Variants in EXOC2 observed in about 807,000 individuals in gnomAD.
EXOC2 encodes exocyst complex component 2.
In EXOC2, 70 loss-of-function variants were observed where a neutral mutation model predicts 131.8. The ratio of observed to expected loss-of-function variants is 0.53; its 90% confidence interval spans 0.44 to 0.65. The LOEUF (loss-of-function observed/expected upper bound fraction) is 0.65. EXOC2 is among the 30% of genes least tolerant of loss of function. The pLI, the probability that EXOC2 is intolerant of heterozygous loss-of-function variation, is 0.00. For synonymous variants in EXOC2, 411 were observed against 398.4 expected, an observed-to-expected ratio of 1.03 and a Z score of -0.38; for missense variants, 923 against 1,108.6, an observed-to-expected ratio of 0.83 and a Z score of 2.38.
intron 22 of EXOC2, among the ~76,000 whole-genome samples, chr6:545,737 A>C (rs1756815277): frequency 2.0e-5 from 3 of 152,258 alleles, no homozygotes; most frequent in Admixed American, 2.0e-4. Context: ...TTCTATCGTG[A>C]GGAAGTAATT....
At chr6:680,540 C>T (rs563480815) in intron 1 of EXOC2, among the ~76,000 whole-genome samples, 11 of 152,222 alleles carry the variant, frequency 7.2e-5, no homozygotes, top group Admixed American at 3.3e-4. Context: ...GTTTTAGAAA[C>T]GTAGGTAGGC....
At chr6:579,774 A>C (rs931527906) in intron 11 of EXOC2, among the ~76,000 whole-genome samples, 1 of 152,176 alleles carries the variant, frequency 6.6e-6, no homozygotes, top group Non-Finnish European at 1.5e-5. Context: ...CAAAAAAAAA[A>C]CAAACAACTT....
At chr6:626,130 T>A (rs191249696) in intron 4 of EXOC2, among the ~76,000 whole-genome samples, 1 of 152,226 alleles carries the variant, frequency 6.6e-6, no homozygotes, top group Non-Finnish European at 1.5e-5. Context: ...AGCAGAAATA[T>A]AGACTTTTTA....
Position 589,437 on chromosome 6 carries a change from C to T in EXOC2, c.1192+3032G>A, listed in dbSNP as rs548386670. Among the ~76,000 whole-genome samples the T allele has an allele frequency of 3.3e-5, 5 of 151,982 alleles. No homozygotes were observed. In the South Asian group the frequency reaches 8.3e-4, roughly 25 times the overall value. ...AATGCCGATCCGGAGAACTGACTGTCGTTGTTTAGGTTCAACTGAGATTTC... is the reference window on the plus strand; with the variant it reads ...AATGCCGATCCGGAGAACTGACTGTTGTTGTTTAGGTTCAACTGAGATTTC... On this transcript the variant is annotated intron_variant, in intron 11 of 27. Transcript: ENST00000230449.
intron 8 of EXOC2, 29 bp from the exon 9 acceptor site, chr6:598,970 T>A: frequency 6.3e-7 from 1 of 1,578,114 alleles, no homozygotes. Context: ...TTTTGAAAAC[T>A]GTCAGTAATG....
intron 22 of EXOC2, among the ~76,000 whole-genome samples, chr6:535,172 C>T (rs1371889527): frequency 1.3e-5 from 2 of 151,726 alleles, no homozygotes; most frequent in African/African-American, 4.8e-5. Context: ...TAAAGAAAAC[C>T]ACCAATGCCA....
intron 23 of EXOC2, among the ~76,000 whole-genome samples, chr6:505,130 A>G (rs1251227735): frequency 1.3e-5 from 2 of 151,460 alleles, no homozygotes; most frequent in African/African-American, 2.4e-5. Context: ...TAGGAACACA[A>G]CAACGGCAGA....
At chr6:590,312 A>G (rs1306468823) in intron 11 of EXOC2, among the ~76,000 whole-genome samples, 1 of 152,220 alleles carries the variant, frequency 6.6e-6, no homozygotes, top group African/African-American at 2.4e-5. Context: ...TAAAATAATT[A>G]ATGACATTAA....
intron 1 of EXOC2, among the ~76,000 whole-genome samples, chr6:660,231 A>T (rs1012436836): frequency 7.2e-6 from 1 of 139,186 alleles, no homozygotes. Flanking sequence ...AAGACAAAGG[A>T]CATATAATCT....
chr6:491,326 AG>A (rs3839498), intron 25 of EXOC2, 140 bp from the exon 26 acceptor site: 33,163 of 754,202 alleles, frequency 0.044, 1,623 homozygotes, highest in East Asian at 0.24. Flanking sequence ...GCCAGTCATG[AG>A]TAGAGTTTCT....
chr6:495,254 T>C (rs995468863), intron 25 of EXOC2, among the ~76,000 whole-genome samples: 4 of 151,486 alleles, frequency 2.6e-5, no homozygotes, highest in Admixed American at 6.6e-5. Flanking sequence ...GCCTCCCGAG[T>C]AGCTGGGACT....
chr6:657,477 G>A (rs982682781), intron 1 of EXOC2, among the ~76,000 whole-genome samples: 3 of 152,134 alleles, frequency 2.0e-5, no homozygotes, highest in East Asian at 1.9e-4. Flanking sequence ...CCATCTTCAT[G>A]GCTGCTCACT....
At chr6:656,445 CTCCTCAGCG>C (rs751966247) in intron 1 of EXOC2, 1 of 1,613,632 alleles carries the variant, frequency 6.2e-7, no homozygotes, top group South Asian at 1.1e-5. Context: ...CTCCACGATG[CTCCTCAGCG>C]TCCTCCAGCG....
chr6:656,885 G>A lies in EXOC2; in HGVS notation c.-43-19024C>T, dbSNP rs762566034. 5.0e-6 allele frequency: 8 copies of A among 1,599,684 alleles called. No individual in the cohort carries two copies. In the Admixed American group the frequency reaches 5.1e-5, roughly 10 times the overall value. ...CCTTCGCTAGCCTCGCGACGGTGCC[G>A]CTGACGTGAATGAACAGCTCTAGAC... On this transcript the variant is annotated intron_variant, in intron 1 of 27. Coordinates refer to ENST00000230449, the MANE Select transcript of EXOC2 (RefSeq NM_018303.6).
intron 1 of EXOC2, chr6:670,317 G>A (rs1308432122): frequency 2.6e-5 from 4 of 152,154 alleles, no homozygotes; most frequent in African/African-American, 9.7e-5. Context: ...ACTATCTGTT[G>A]GATTCTGCCT....
chr6:523,818 A>T (rs774464619), intron 23 of EXOC2, among the ~76,000 whole-genome samples: 11 of 152,232 alleles, frequency 7.2e-5, no homozygotes, highest in Admixed American at 1.3e-4. Flanking sequence ...AACTCATATG[A>T]TTAAAATGCA....
chr6:517,147 G>C (rs1765204405), intron 23 of EXOC2, among the ~76,000 whole-genome samples: 1 of 152,146 alleles, frequency 6.6e-6, no homozygotes, highest in African/African-American at 2.4e-5. Context: ...GGTGGACAGA[G>C]ACACAGTGTG....
chr6:609,236 G>T (rs1760589151), intron 7 of EXOC2, among the ~76,000 whole-genome samples: 1 of 152,176 alleles, frequency 6.6e-6, no homozygotes, highest in Admixed American at 6.5e-5. Context: ...GGCAAAACTA[G>T]CTTCACATCA....
Position 485,767 on chromosome 6 carries a change from T to G in EXOC2, c.*904A>C, listed in dbSNP as rs754314108. 1 of 152,232 alleles carries G rather than the reference T, an allele frequency of 6.6e-6. No homozygotes were observed. Among genetic ancestry groups the G allele is most frequent in the Non-Finnish European group, 1.5e-5 (1 of 68,040 alleles). The allele number at this position is 152,232 out of a possible 1,614,324, so 9.4% of individuals were successfully genotyped here. ...GCATTGTTCCAGCTACTGAGCAAGA[T>G]CCTTCAGCAGGTAAGAAGTGGCAGA... On this transcript the variant is annotated 3_prime_UTR_variant, in exon 28 of 28. Coordinates refer to ENST00000230449, the MANE Select transcript of EXOC2 (RefSeq NM_018303.6).
Sources: gnomAD v4.1 joint callset for allele counts (sites outside exome capture counted in the v4.1 genomes callset) on GRCh38, gnomAD v4.1.1 for gene constraint, MANE v1.5 for transcripts, NCBI Gene and HGNC (gene_info 2026-07-23, HGNC 2026-07-21) for gene names.